ADAM17: variants seen among roughly 807,000 people sequenced by gnomAD.
ADAM17 encodes the protein ADAM metallopeptidase domain 17.
ADAM17 carries 39 observed loss-of-function variants against 96.7 expected under a neutral mutation model. The ratio of observed to expected loss-of-function variants is 0.40; its 90% CI spans 0.31 to 0.53. ADAM17 has a LOEUF of 0.53. Ranked by LOEUF, ADAM17 falls within the 20% of genes least tolerant of loss-of-function variation. The probability of loss-of-function intolerance (pLI) is 0.44; values close to 1 mark genes in which losing one functional copy is unlikely to be tolerated. For missense variants in ADAM17, 777 were observed against 1,013.2 expected, an observed-to-expected ratio of 0.77 and a Z score of 3.17; for synonymous variants, 344 against 359.2, an observed-to-expected ratio of 0.96 and a Z score of 0.48.
At chr2:9,508,390 A>C (rs1663538585) in intron 11 of ADAM17, among the ~76,000 whole-genome samples, 1 of 152,062 alleles carries the variant, frequency 6.6e-6, no homozygotes, top group Non-Finnish European at 1.5e-5. Context: ...CTGCTCCCAC[A>C]CTGCTGTTTT....
At chr2:9,516,357 G>A (rs961269440) in intron 10 of ADAM17, among the ~76,000 whole-genome samples, 11 of 152,098 alleles carry the variant, frequency 7.2e-5, no homozygotes, top group African/African-American at 2.4e-4. Flanking sequence ...CCAAAGTGCC[G>A]AAGATTATAG....
intron 10 of ADAM17, among the ~76,000 whole-genome samples, chr2:9,511,334 C>T (rs1363091971): frequency 2.6e-5 from 4 of 152,072 alleles, no homozygotes; most frequent in African/African-American, 7.2e-5. Flanking sequence ...CCTGTAATCC[C>T]GGCTACTCGG....
At chr2:9,491,192 A>C in intron 17 of ADAM17, 41 bp from the exon 18 acceptor site, 1 of 1,572,014 alleles carries the variant, frequency 6.4e-7, no homozygotes, top group Non-Finnish European at 8.7e-7. Flanking sequence ...TACAAATACA[A>C]TTCAGTTAGT....
chr2:9,514,487 C>G lies in ADAM17; in HGVS notation c.1191+3414G>C, dbSNP rs13404010. Among the ~76,000 whole-genome samples the G allele has an allele frequency of 1.6e-3, 211 of 132,858 alleles. 1 individual carries two copies. Among genetic ancestry groups the G allele is most frequent in the African/African-American group, 5.5e-3 (198 of 36,230 alleles). The allele number at this position is 132,858 out of a possible 152,430, so 87.2% of individuals were successfully genotyped here. A position where few individuals can be genotyped will look rare whatever the true frequency, so the allele number is the denominator to read the frequency against. On this transcript the variant is annotated intron_variant, in intron 10 of 18. Coordinates refer to ENST00000310823, the MANE Select transcript of ADAM17 (RefSeq NM_003183.6). ...ATGTAACAAACCTGCACGTTGTGCA[C>G]ATGTATCCTAGAACTTAAATTTAAA...
chr2:9,543,333 T>C (rs896706783), intron 1 of ADAM17, 48 bp from the exon 2 acceptor site: 1 of 1,455,872 alleles, frequency 6.9e-7, no homozygotes, highest in Non-Finnish European at 9.2e-7. Flanking sequence ...TAATAATCAA[T>C]TGTAGTATCG....
At chr2:9,550,903 C>A (rs377412031) in intron 1 of ADAM17, among the ~76,000 whole-genome samples, 774 of 97,388 alleles carry the variant, frequency 7.9e-3, no homozygotes, top group East Asian at 0.025. Flanking sequence ...ACTAAAAATA[C>A]AAAAAAAAAA....
At chr2:9,511,190 T>C (rs1305040091) in intron 10 of ADAM17, among the ~76,000 whole-genome samples, 1 of 152,132 alleles carries the variant, frequency 6.6e-6, no homozygotes, top group African/African-American at 2.4e-5. Context: ...GGCTCACACC[T>C]GTAATCCCAG....
chr2:9,542,733 C>T (rs1665258136), intron 2 of ADAM17, among the ~76,000 whole-genome samples: 1 of 152,226 alleles, frequency 6.6e-6, no homozygotes, highest in South Asian at 2.1e-4. Context: ...GAGTCTCACT[C>T]TGTTGCCCAG....
At position 9,523,341 on chromosome 2, in the gene ADAM17, G is replaced by A. The variant is rs1394283160; in HGVS notation, c.754-3C>T. 2.5e-6 allele frequency: 4 copies of A among 1,605,794 alleles called. No individual in the cohort carries two copies. In the South Asian group the frequency reaches 4.4e-5, roughly 18 times the overall value. ...TCAACTCTGTCAATTAGCTCTATCT[G>A]TGTGTATTTAAAAAAGAAAAAAGAC... On this transcript the variant is annotated splice_polypyrimidine_tract_variant and splice_region_variant and intron_variant, in intron 6 of 18. Coordinates refer to ENST00000310823, the MANE Select transcript of ADAM17 (RefSeq NM_003183.6).
intron 12 of ADAM17, among the ~76,000 whole-genome samples, chr2:9,504,867 GCTT>G (rs1663286904): frequency 2.0e-5 from 3 of 151,950 alleles, no homozygotes; most frequent in East Asian, 1.9e-4. Flanking sequence ...TTTCCAGAAA[GCTT>G]CTTCTTTTCT....
chr2:9,536,501 C>T (rs1354294074), intron 3 of ADAM17, among the ~76,000 whole-genome samples, 197 bp downstream of exon 3: 3 of 152,136 alleles, frequency 2.0e-5, no homozygotes, highest in African/African-American at 7.2e-5. Flanking sequence ...GCTAGTATGA[C>T]ATTTAGATAA....
intron 7 of ADAM17, chr2:9,522,317 C>T (rs1664349010): frequency 2.0e-6 from 1 of 508,506 alleles, no homozygotes; most frequent in Non-Finnish European, 3.6e-6. Flanking sequence ...TAGAAAGATA[C>T]ATATGAAACT....
In ADAM17 at chr2:9,489,736, A is replaced by G. The variant is rs1202405716; in HGVS notation, c.*441T>C. On this transcript the variant is annotated 3_prime_UTR_variant, in exon 19 of 19. Transcript: ENST00000310823. Reference sequence around the variant, plus strand: ...TTTTTAGTTGAAGGCAAAAAAAAAAAAAAAAAAAAAAAACTATTCCAGTTG... The same window carrying G: ...TTTTTAGTTGAAGGCAAAAAAAAAAGAAAAAAAAAAAAACTATTCCAGTTG... 2.6e-5 allele frequency: 4 copies of G among 151,968 alleles called. No homozygotes were observed. Among genetic ancestry groups the G allele is most frequent in the East Asian group, 1.9e-4 (1 of 5,182 alleles). The allele number at this position is 151,968 out of a possible 1,614,324, so 9.4% of individuals were successfully genotyped here.
chr2:9,526,041 C>CAGATCTTAATCTGTATCTGGAAACAG, intron 6 of ADAM17, 70 bp downstream of exon 6: 1 of 1,385,496 alleles, frequency 7.2e-7, no homozygotes, highest in Non-Finnish European at 9.8e-7. Flanking sequence ...GATCTGGTTG[C>CAGATCTTAATCTGTATCTGGAAACAG]ATTAAGTTTC....
At chr2:9,544,099 C>G (rs150671030) in intron 1 of ADAM17, among the ~76,000 whole-genome samples, 2 of 152,272 alleles carry the variant, frequency 1.3e-5, no homozygotes, top group Admixed American at 6.5e-5. Context: ...TCCCAAACCC[C>G]TTCTTTATCC....
intron 13 of ADAM17, among the ~76,000 whole-genome samples, chr2:9,500,184 C>T (rs1190232084): frequency 6.6e-6 from 1 of 152,166 alleles, no homozygotes; most frequent in Non-Finnish European, 1.5e-5. Context: ...CAAAATGTGG[C>T]ATATCCATGC....
rs1664592673 is a variant in ADAM17, at chr2:9,527,927, T to C, written c.478A>G (p.Lys160Glu). 2 of 1,575,316 alleles carry C rather than the reference T, an allele frequency of 1.3e-6. No individual in the cohort carries two copies. The highest frequency in any genetic ancestry group is 1.7e-6 in the Non-Finnish European group (2 of 1,161,488). Residue 160 changes from lysine (K) to glutamate (E), a missense_variant, in exon 5 of 19, where the codon AAA becomes GAA. Lys to Glu is a moderately conservative substitution (Grantham distance 56). Around this residue, in one of 3 missense-constraint regions of ADAM17, gnomAD observed 446 missense variants for 664.7 expected, o/e 0.67. Coordinates refer to ENST00000310823, the MANE Select transcript of ADAM17 (RefSeq NM_003183.6). Reference protein sequence around the residue: ...EPLWRFVNDTKDKRMLVYKSE... With the variant: ...EPLWRFVNDTEDKRMLVYKSE... ...TTATAAACTAACATTCTTTTGTCTT[T>C]GGTATCATTAACAAATCTCCAAAGT...
intron 12 of ADAM17, among the ~76,000 whole-genome samples, chr2:9,504,816 G>C (rs1283507871): frequency 6.6e-6 from 1 of 151,638 alleles, no homozygotes; most frequent in South Asian, 2.1e-4. Context: ...AAACCAAGGA[G>C]CATGCAAGGT....
At chr2:9,499,256 C>T (rs1475109816) in intron 13 of ADAM17, among the ~76,000 whole-genome samples, 2 of 151,660 alleles carry the variant, frequency 1.3e-5, no homozygotes, top group African/African-American at 4.9e-5. Flanking sequence ...TAAGAACAAA[C>T]GTTTTCAAAT....
Sources: gnomAD v4.1 joint callset for allele counts (sites outside exome capture counted in the v4.1 genomes callset) on GRCh38, gnomAD v4.1.1 for gene constraint, gnomAD v4.1.1 regional missense constraint, MANE v1.5 for transcripts, NCBI Gene and HGNC (gene_info 2026-07-23, HGNC 2026-07-21) for gene names.